FEZ1: variants seen among roughly 807,000 people sequenced by gnomAD.
The protein encoded by FEZ1 is fasciculation and elongation protein zeta-1.
Under a neutral mutation model 49.3 loss-of-function variants are expected in FEZ1, and 20 were observed. That is an observed-to-expected ratio of 0.41 (90% confidence interval 0.29 to 0.59). The LOEUF is 0.59. Ranked by LOEUF, FEZ1 falls within the 20% of genes least tolerant of loss-of-function variation. The pLI, the probability that FEZ1 is intolerant of heterozygous loss-of-function variation, is 0.36. For missense variants in FEZ1, 413 were observed against 476.0 expected (o/e 0.87, Z 1.23); for synonymous variants, 170 against 180.9 (o/e 0.94, Z 0.48).
intron 3 of FEZ1, among the ~76,000 whole-genome samples, chr11:125,466,569 A>G (rs1957132235): frequency 6.6e-6 from 1 of 152,118 alleles, no homozygotes; most frequent in African/African-American, 2.4e-5. Flanking sequence ...CTTCCAAATG[A>G]TTTATTCCCA....
chr11:125,485,696 G>A (rs954411342), intron 2 of FEZ1, among the ~76,000 whole-genome samples: 5 of 152,018 alleles, frequency 3.3e-5, no homozygotes, highest in African/African-American at 1.2e-4. Flanking sequence ...AGCACTTTGG[G>A]AGGCTGAGGC....
At chr11:125,488,915 A>C in intron 2 of FEZ1, 1 of 985,448 alleles carries the variant, frequency 1.0e-6, no homozygotes, top group Non-Finnish European at 1.2e-6. Context: ...CTCAAAGGCC[A>C]CATCACCTAG....
At chr11:125,454,096 G>A (rs1414889485) in intron 7 of FEZ1, 34 bp downstream of exon 7, 1 of 1,537,014 alleles carries the variant, frequency 6.5e-7, no homozygotes, top group South Asian at 1.2e-5. Flanking sequence ...CAGGAGTCTA[G>A]GAAGAGAGCT....
intron 3 of FEZ1, among the ~76,000 whole-genome samples, chr11:125,481,125 T>G (rs1203565537): frequency 6.6e-6 from 1 of 152,158 alleles, no homozygotes; most frequent in East Asian, 1.9e-4. Flanking sequence ...GTGTTTCTGC[T>G]TTTCTATAGA....
chr11:125,456,451 G>A (rs1957012040), intron 5 of FEZ1, among the ~76,000 whole-genome samples: 1 of 152,146 alleles, frequency 6.6e-6, no homozygotes, highest in South Asian at 2.1e-4. Context: ...GTCAAGAATT[G>A]GGGATGGAAA....
At chr11:125,449,333 C>T (rs1458403058) in intron 8 of FEZ1, among the ~76,000 whole-genome samples, 1 of 145,728 alleles carries the variant, frequency 6.9e-6, no homozygotes, top group Non-Finnish European at 1.5e-5. Flanking sequence ...TGCCACTGCA[C>T]TCCAACCTGG....
At chr11:125,453,557 C>G (rs893796469) in intron 7 of FEZ1, 1 of 152,268 alleles carries the variant, frequency 6.6e-6, no homozygotes, top group African/African-American at 2.4e-5. Context: ...TCCATGAGGA[C>G]AGGGGTCAGG....
chr11:125,445,861 C>G lies in FEZ1; in HGVS notation c.*234G>C, dbSNP rs1956893618. On this transcript the variant is annotated 3_prime_UTR_variant, in exon 10 of 10. Transcript: ENST00000278919. This position sits in a 1 kb window ranked among gnomAD's most constrained non-coding sequence, Gnocchi z 4.4. ...GGTGAAAGCGGCTGCCTTCCCCTCTCCTGACACCAGCAAGGGGGAGGCACC... is the reference window on the plus strand; with the variant it reads ...GGTGAAAGCGGCTGCCTTCCCCTCTGCTGACACCAGCAAGGGGGAGGCACC... The G allele has an allele frequency of 1.7e-6, 1 of 578,584 alleles. No homozygotes were observed. Among genetic ancestry groups the G allele is most frequent in the African/African-American group, 1.8e-5 (1 of 54,590 alleles). The allele number at this position is 578,584 out of a possible 1,614,324, so 35.8% of individuals were successfully genotyped here. A position where few individuals can be genotyped will look rare whatever the true frequency, so the allele number is the denominator to read the frequency against.
chr11:125,454,143 C>T lies in FEZ1; in HGVS notation c.1007G>A (p.Gly336Glu), dbSNP rs1479093377. The T allele has an allele frequency of 6.2e-7, 1 of 1,613,196 alleles. No homozygotes were observed. The highest frequency in any genetic ancestry group is 2.2e-5 in the East Asian group (1 of 44,854). ...GACTACGCGTACCTGTTTGTCAGTT[C>T]CTGAGGAGCCAAAGGTCTGGCGGAT... ...SGIRQTFGSS[G>E]TDKQYLNTVI... is the part of the protein sequence containing the mutation. The change falls in exon 7 of 10, where the codon GGA (glycine) becomes GAA (glutamate). Residue 336 changes from glycine to glutamate, a missense_variant. Gly to Glu is a moderately conservative substitution (Grantham distance 98, BLOSUM62 -2). Transcript: ENST00000278919.
At chr11:125,464,065 C>T (rs1474435088) in intron 3 of FEZ1, among the ~76,000 whole-genome samples, 1 of 152,138 alleles carries the variant, frequency 6.6e-6, no homozygotes, top group Admixed American at 6.5e-5. Flanking sequence ...TGATGAAATG[C>T]CATCCTGTTA....
intron 3 of FEZ1, among the ~76,000 whole-genome samples, chr11:125,468,049 A>C (rs931634847): frequency 2.0e-5 from 3 of 152,216 alleles, no homozygotes; most frequent in Non-Finnish European, 2.9e-5. Flanking sequence ...TATTAACTCA[A>C]GCAAATTATT....
At chr11:125,473,726 G>A (rs1411490071) in intron 3 of FEZ1, among the ~76,000 whole-genome samples, 2 of 150,482 alleles carry the variant, frequency 1.3e-5, no homozygotes, top group Non-Finnish European at 2.9e-5. Context: ...GGCACAGACA[G>A]AAGAATTGCT....
intron 3 of FEZ1, among the ~76,000 whole-genome samples, chr11:125,476,025 GT>G (rs1957229486): frequency 6.6e-6 from 1 of 152,170 alleles, no homozygotes; most frequent in Non-Finnish European, 1.5e-5. Flanking sequence ...ATTACATTGA[GT>G]TTAATAAGCC....
rs1242198838 is a variant in FEZ1, at chr11:125,444,163, G to C, written c.*1932C>G. Among the ~76,000 whole-genome samples, 1 of 152,152 alleles carries C rather than the reference G, an allele frequency of 6.6e-6. No homozygotes were observed. The highest frequency in any genetic ancestry group is 1.5e-5 in the Non-Finnish European group (1 of 68,016). On this transcript the variant is annotated 3_prime_UTR_variant, in exon 10 of 10. Transcript: ENST00000278919. ...CTTCCATGCTCCTGTGGCAGCCGGG[G>C]CTCTATCTATGGAGAAGCTCTGCTC...
chr11:125,445,954 G>T lies in FEZ1; in HGVS notation c.*141C>A. 1.2e-6 allele frequency: 1 copy of T among 850,666 alleles called. No homozygotes were observed. The highest frequency in any genetic ancestry group is 2.0e-6 in the Non-Finnish European group (1 of 494,856). The allele number at this position is 850,666 out of a possible 1,614,324, so 52.7% of individuals were successfully genotyped here. A position where few individuals can be genotyped will look rare whatever the true frequency, so the allele number is the denominator to read the frequency against. Reference sequence around the variant, plus strand: ...CTAGAAGCCAACGGCAAAGGACCCCGCGCGCTTGCTCGTGTTTAATCCAGG... The same window carrying T: ...CTAGAAGCCAACGGCAAAGGACCCCTCGCGCTTGCTCGTGTTTAATCCAGG... On this transcript the variant is annotated 3_prime_UTR_variant, in exon 10 of 10. Coordinates refer to ENST00000278919, the MANE Select transcript of FEZ1 (RefSeq NM_005103.5). The surrounding 1 kb of genome is among the most constrained non-coding windows in gnomAD (Gnocchi z 4.4).
intron 4 of FEZ1, 181 bp downstream of exon 4, chr11:125,463,303 C>T (rs1453217255): frequency 2.2e-6 from 1 of 460,818 alleles, no homozygotes; most frequent in Non-Finnish European, 3.9e-6. Flanking sequence ...AAGACTCTGT[C>T]TCAAAAGTAT....
At chr11:125,485,481 G>A (rs1187076474) in intron 2 of FEZ1, among the ~76,000 whole-genome samples, 2 of 152,142 alleles carry the variant, frequency 1.3e-5, no homozygotes, top group Non-Finnish European at 2.9e-5. Flanking sequence ...CTGACAATAT[G>A]GCAGGCAGCT....
At chr11:125,482,974 T>TCTC (rs1957296529) in intron 2 of FEZ1, among the ~76,000 whole-genome samples, 1 of 28,740 alleles carries the variant, frequency 3.5e-5, no homozygotes, top group Non-Finnish European at 5.8e-5. Flanking sequence ...CAAGACACTG[T>TCTC]AAAAAAAAAA....
intron 5 of FEZ1, among the ~76,000 whole-genome samples, chr11:125,456,972 T>G (rs796425421): frequency 2.3e-4 from 35 of 151,232 alleles, no homozygotes; most frequent in Admixed American, 5.9e-4. Flanking sequence ...TCACCTGAGG[T>G]CAGGAGTTCG....
Sources: allele counts gnomAD v4.1 joint callset (sites outside exome capture counted in the v4.1 genomes callset), GRCh38; gene constraint gnomAD v4.1.1; non-coding constraint Gnocchi (gnomAD v3.1); transcripts MANE v1.5; gene names NCBI Gene and HGNC (gene_info 2026-07-23, HGNC 2026-07-21).